Variants in PRELID2 observed in about 807,000 individuals in gnomAD.
The protein encoded by PRELID2 is PRELI domain-containing protein 2.
A neutral mutation model predicts 28.4 loss-of-function variants in PRELID2; 25 were observed. That is an observed-to-expected ratio of 0.88 (90% CI 0.64 to 1.23). PRELID2 has a LOEUF of 1.23. Ranked by LOEUF, PRELID2 falls within the 50% of genes most tolerant of loss-of-function variation. The pLI, the probability that PRELID2 is intolerant of heterozygous loss-of-function variation, is 0.00. For synonymous variants in PRELID2, 76 were observed against 71.6 expected, an observed-to-expected ratio of 1.06 and a Z score of -0.31; for missense variants, 201 against 214.4, an observed-to-expected ratio of 0.94 and a Z score of 0.39.
intron 1 of PRELID2, among the ~76,000 whole-genome samples, chr5:145,676,239 A>T (rs534049662): frequency 1.3e-3 from 200 of 149,020 alleles, no homozygotes; most frequent in African/African-American, 4.8e-3. Flanking sequence ...AAAAAAAAAA[A>T]AAATAATGTG....
chr5:145,713,705 G>C (rs1481116914), intron 1 of PRELID2, among the ~76,000 whole-genome samples: 3 of 126,068 alleles, frequency 2.4e-5, no homozygotes, highest in South Asian at 2.6e-4. Context: ...TATATATAAA[G>C]TCAGATATCA....
At chr5:145,333,110 G>C in the PRELID2 span, among the ~76,000 whole-genome samples, 1 of 152,224 alleles carries the variant, frequency 6.6e-6, no homozygotes, top group Non-Finnish European at 1.5e-5. Context: ...CTGCAGAACA[G>C]CAAAGATTGC....
the PRELID2 span, among the ~76,000 whole-genome samples, chr5:145,413,006 C>G: frequency 6.6e-6 from 1 of 152,134 alleles, no homozygotes; most frequent in East Asian, 1.9e-4. Context: ...TTATCTTGAC[C>G]TGTCCCCCCT....
chr5:145,587,620 G>T (rs1413001236), intron 1 of PRELID2, among the ~76,000 whole-genome samples: 1 of 152,130 alleles, frequency 6.6e-6, no homozygotes, highest in Non-Finnish European at 1.5e-5. Flanking sequence ...ATCGCACTTT[G>T]AGAAAGCATA....
chr5:145,473,838 C>T (rs1029016219), intron 1 of PRELID2, among the ~76,000 whole-genome samples: 1 of 152,108 alleles, frequency 6.6e-6, no homozygotes, highest in African/African-American at 2.4e-5. Context: ...ACAATCACCC[C>T]TTGGGATGGC....
At chr5:145,458,773 C>A in the PRELID2 span, among the ~76,000 whole-genome samples, 1 of 152,068 alleles carries the variant, frequency 6.6e-6, no homozygotes, top group Admixed American at 6.6e-5. Flanking sequence ...TGATTTCATG[C>A]ATTTTGGTAC....
At chr5:145,513,912 G>A (rs937326510) in intron 1 of PRELID2, among the ~76,000 whole-genome samples, 1 of 152,044 alleles carries the variant, frequency 6.6e-6, no homozygotes, top group Non-Finnish European at 1.5e-5. Context: ...ATAAGCGAGG[G>A]AAAAATAAAA....
intron 1 of PRELID2, among the ~76,000 whole-genome samples, chr5:145,703,162 A>G (rs1476717387): frequency 6.6e-6 from 1 of 152,212 alleles, no homozygotes; most frequent in East Asian, 1.9e-4. Flanking sequence ...CCAAGCAAAC[A>G]CAATCTATTC....
intron 1 of PRELID2, among the ~76,000 whole-genome samples, chr5:145,713,575 T>C (rs1327566510): frequency 3.5e-5 from 5 of 142,216 alleles, no homozygotes; most frequent in Non-Finnish European, 7.6e-5. Context: ...TTTATATATA[T>C]ACACTAAAGT....
intron 5 of PRELID2, among the ~76,000 whole-genome samples, chr5:145,771,661 G>C (rs981901448): frequency 6.6e-6 from 1 of 152,006 alleles, no homozygotes; most frequent in African/African-American, 2.4e-5. Context: ...TTCAAGACCA[G>C]CCTAACCAAC....
chr5:145,512,166 T>G (rs1405487738), intron 1 of PRELID2, among the ~76,000 whole-genome samples: 2 of 152,034 alleles, frequency 1.3e-5, no homozygotes, highest in Non-Finnish European at 2.9e-5. Context: ...GCTGGCAAGA[T>G]GGCCGAATAG....
chr5:145,472,682 T>C, intron 2 of PRELID2, among the ~76,000 whole-genome samples: 1 of 152,072 alleles, frequency 6.6e-6, no homozygotes, highest in East Asian at 1.9e-4. Context: ...CAGCAGAAAA[T>C]GTAACTCCTC....
At chr5:145,308,442 A>G in the PRELID2 span, among the ~76,000 whole-genome samples, 2 of 152,176 alleles carry the variant, frequency 1.3e-5, no homozygotes, top group East Asian at 3.8e-4. Context: ...TTCAGTTTTT[A>G]CACATTATAA....
At position 145,699,170 on chromosome 5, in the gene PRELID2, C is replaced by T. The variant is rs1018198491; in HGVS notation, n.70+65761G>A. ...AAAGATAGTAACAGCGTACCTAGTT[C>T]CTTTTGGAAGACTGGGAATGCTTCC... On this transcript the variant is annotated intron_variant and non_coding_transcript_variant, in intron 1 of 2. Transcript: ENST00000510259. Among the ~76,000 whole-genome samples, 37 of 152,076 alleles carry T rather than the reference C, an allele frequency of 2.4e-4. 1 individual carries two copies. Among genetic ancestry groups the T allele is most frequent in the Admixed American group, 9.2e-4 (14 of 15,262 alleles).
chr5:145,636,763 T>C (rs1036510738), intron 1 of PRELID2, among the ~76,000 whole-genome samples: 2 of 152,188 alleles, frequency 1.3e-5, no homozygotes, highest in Non-Finnish European at 2.9e-5. Context: ...GGGATTTCTT[T>C]TGGGGGCATA....
At chr5:145,771,889 G>A (rs1047119266) in intron 5 of PRELID2, among the ~76,000 whole-genome samples, 5 of 151,972 alleles carry the variant, frequency 3.3e-5, no homozygotes, top group African/African-American at 1.2e-4. Context: ...GGATGGGAGT[G>A]GGAACTGCAT....
chr5:145,573,507 C>A (rs889709849), intron 1 of PRELID2, among the ~76,000 whole-genome samples: 1 of 152,070 alleles, frequency 6.6e-6, no homozygotes, highest in Non-Finnish European at 1.5e-5. Context: ...TTTCCTCTGC[C>A]CGCACAACAG....
At chr5:145,587,695 C>A (rs1008444322) in intron 1 of PRELID2, among the ~76,000 whole-genome samples, 1 of 152,118 alleles carries the variant, frequency 6.6e-6, no homozygotes, top group Non-Finnish European at 1.5e-5. Context: ...ATAAGGTACA[C>A]CAAGCAAACT....
intron 1 of PRELID2, among the ~76,000 whole-genome samples, chr5:145,654,817 C>A (rs1453885832): frequency 6.6e-6 from 1 of 152,228 alleles, no homozygotes; most frequent in Non-Finnish European, 1.5e-5. Context: ...AAACTGGAAG[C>A]ATTCCCTTTG....
Sources: gnomAD v4.1 joint callset for allele counts (sites outside exome capture counted in the v4.1 genomes callset) on GRCh38, gnomAD v4.1.1 for gene constraint, MANE v1.5 for transcripts, NCBI Gene and HGNC (gene_info 2026-07-23, HGNC 2026-07-21) for gene names.